NIPAL2: variants seen among roughly 807,000 people sequenced by gnomAD.
NIPAL2 encodes the protein NIPA-like protein 2.
Under a neutral mutation model 48.9 loss-of-function variants are expected in NIPAL2, and 43 were observed. That is an observed-to-expected ratio of 0.88 (90% CI 0.69 to 1.13). NIPAL2 has a LOEUF of 1.13. NIPAL2 is among the 50% of genes most tolerant of loss of function. NIPAL2 has a pLI of 0.00. For synonymous variants in NIPAL2, 167 were observed against 174.6 expected, an observed-to-expected ratio of 0.96 and a Z score of 0.34; for missense variants, 446 against 461.4, an observed-to-expected ratio of 0.97 and a Z score of 0.31.
At chr8:98,194,501 C>T (rs1554558702) in intron 10 of NIPAL2, among the ~76,000 whole-genome samples, 1 of 152,134 alleles carries the variant, frequency 6.6e-6, no homozygotes, top group Admixed American at 6.5e-5. Context: ...TCACCCAAAT[C>T]GAGGAAACAT....
intron 1 of NIPAL2, among the ~76,000 whole-genome samples, chr8:98,280,761 T>TATATATATATATATAGAGAGAGAGAGAG: frequency 1.5e-3 from 46 of 30,000 alleles, no homozygotes; most frequent in South Asian, 6.0e-3. Flanking sequence ...TATATATATA[T>TATATATATATATATAGAGAGAGAGAGAG]AGAGAGAGAG....
At chr8:98,272,724 C>G (rs1180693834) in intron 1 of NIPAL2, among the ~76,000 whole-genome samples, 1 of 151,738 alleles carries the variant, frequency 6.6e-6, no homozygotes, top group Non-Finnish European at 1.5e-5. Context: ...AAACAATTCT[C>G]CTGTCTCAGG....
chr8:98,259,106 T>C (rs1207154019), intron 1 of NIPAL2, among the ~76,000 whole-genome samples: 11 of 121,958 alleles, frequency 9.0e-5, no homozygotes, highest in Non-Finnish European at 1.8e-4. Context: ...AGACGGAGTT[T>C]CGCTCTGTCG....
chr8:98,276,376 T>C (rs1815461602), intron 1 of NIPAL2, among the ~76,000 whole-genome samples: 1 of 152,194 alleles, frequency 6.6e-6, no homozygotes, highest in Non-Finnish European at 1.5e-5. Context: ...TTTTTTTGCT[T>C]AGTAATATGC....
In NIPAL2 at chr8:98,222,538, C is replaced by A; in HGVS notation, c.499G>T (p.Ala167Ser). 1 of 1,614,004 alleles carries A rather than the reference C, an allele frequency of 6.2e-7. No individual in the cohort carries two copies. Among genetic ancestry groups the A allele is most frequent in the Non-Finnish European group, 8.5e-7 (1 of 1,179,888 alleles). The change falls in exon 5 of 11, where the codon GCA becomes TCA. Residue 167 changes from alanine (A) to serine (S), a missense_variant. By Grantham distance (99) the Ala-to-Ser change is moderately conservative (BLOSUM62 1). Transcript: ENST00000430223. ...TACTGTACTGTTCTTGCTGAGATTGCCTGAGTTATATTTGGAGCAAAGTTC... is the reference window on the plus strand; with the variant it reads ...TACTGTACTGTTCTTGCTGAGATTGACTGAGTTATATTTGGAGCAAAGTTC... ...LVNFAPNITQAISARTVQYYL... is the reference protein window; with the variant it reads ...LVNFAPNITQSISARTVQYYL...
intron 5 of NIPAL2, chr8:98,216,907 G>T: frequency 2.7e-6 from 1 of 367,014 alleles, no homozygotes; most frequent in Non-Finnish European, 3.8e-6. Context: ...GGGCCTCATG[G>T]TCAAATAAGC....
At position 98,294,048 on chromosome 8, in the gene NIPAL2, G is replaced by C. The variant is rs1181872693; in HGVS notation, c.90C>G (p.Gly30=). The part of the protein sequence containing the change: ...LSLNFTYGAP[G]AGNGSLSGDW... Reference sequence around the variant, plus strand: ...CGCCCGAGAGGGAGCCGTTGCCGGCGCCTGGTGCCCCGTACGTGAAATTCA... The same window carrying C: ...CGCCCGAGAGGGAGCCGTTGCCGGCCCCTGGTGCCCCGTACGTGAAATTCA... The change falls in exon 1 of 11, where the codon GGC becomes GGG. Residue 30 remains glycine, a synonymous_variant. Coordinates refer to ENST00000430223, the MANE Select transcript of NIPAL2 (RefSeq NM_001321635.2). 1 of 1,498,908 alleles carries C rather than the reference G, an allele frequency of 6.7e-7. No homozygotes were observed. The highest frequency in any genetic ancestry group is 8.9e-7 in the Non-Finnish European group (1 of 1,124,360). The allele number at this position is 1,498,908 out of a possible 1,614,324, so 92.9% of individuals were successfully genotyped here.
chr8:98,286,885 T>C (rs1357332613), intron 1 of NIPAL2, among the ~76,000 whole-genome samples: 4 of 146,668 alleles, frequency 2.7e-5, no homozygotes, highest in African/African-American at 1.0e-4. Context: ...GAAAGTGACA[T>C]GGTGAGGCAA....
intron 1 of NIPAL2, among the ~76,000 whole-genome samples, chr8:98,275,795 C>G (rs112866085): frequency 1.3e-5 from 2 of 152,288 alleles, no homozygotes; most frequent in African/African-American, 4.8e-5. Context: ...ATATTTCCAG[C>G]CTCCTGAGCA....
At chr8:98,280,761 T>TATATATATATATATATATATATATATAG in intron 1 of NIPAL2, among the ~76,000 whole-genome samples, 4 of 30,026 alleles carry the variant, frequency 1.3e-4, no homozygotes, top group Admixed American at 4.5e-4. Flanking sequence ...TATATATATA[T>TATATATATATATATATATATATATATAG]AGAGAGAGAG....
chr8:98,263,959 T>C (rs1206723701), intron 1 of NIPAL2, among the ~76,000 whole-genome samples: 6 of 137,952 alleles, frequency 4.3e-5, no homozygotes, highest in African/African-American at 1.7e-4. Flanking sequence ...ATCCCTGGGA[T>C]GCAAGGCTGG....
intron 4 of NIPAL2, among the ~76,000 whole-genome samples, chr8:98,223,334 A>ATG (rs1451199175): frequency 6.6e-6 from 1 of 152,170 alleles, no homozygotes; most frequent in East Asian, 1.9e-4. Context: ...ACAGAAGGGA[A>ATG]TGTGTGTAGG....
chr8:98,198,406 G>A (rs1810653486), intron 8 of NIPAL2, among the ~76,000 whole-genome samples: 1 of 152,302 alleles, frequency 6.6e-6, no homozygotes, highest in South Asian at 2.1e-4. Context: ...ATAAGCATTG[G>A]CTTCAAATTA....
intron 6 of NIPAL2, among the ~76,000 whole-genome samples, chr8:98,205,921 G>A (rs1811011982): frequency 6.6e-6 from 1 of 152,186 alleles, no homozygotes; most frequent in Admixed American, 6.5e-5. Flanking sequence ...GTTTACATAA[G>A]CAATAGCTAT....
At chr8:98,230,398 C>T (rs1210405587) in intron 4 of NIPAL2, among the ~76,000 whole-genome samples, 3 of 152,040 alleles carry the variant, frequency 2.0e-5, no homozygotes, top group Admixed American at 6.5e-5. Context: ...GTAGATGCTC[C>T]ACCAAAAAAG....
chr8:98,198,055 C>T (rs1239193802), intron 8 of NIPAL2, among the ~76,000 whole-genome samples: 1 of 152,190 alleles, frequency 6.6e-6, no homozygotes, highest in Non-Finnish European at 1.5e-5. Flanking sequence ...TACAGCCTTA[C>T]AAAATGTATT....
Position 98,203,205 on chromosome 8 carries a change from G to A in NIPAL2, c.792-9C>T. 1 of 1,608,144 alleles carries A rather than the reference G, an allele frequency of 6.2e-7. No individual in the cohort carries two copies. The highest frequency in any genetic ancestry group is 8.5e-7 in the Non-Finnish European group (1 of 1,174,628). ...TGGCTTGATTCAGGAACCTAGGGCAGAAGGCACTTACTGGAGCTTTGGCTT... is the reference window on the plus strand; with the variant it reads ...TGGCTTGATTCAGGAACCTAGGGCAAAAGGCACTTACTGGAGCTTTGGCTT... On this transcript the variant is annotated splice_polypyrimidine_tract_variant and intron_variant, in intron 7 of 10. Transcript: ENST00000430223.
intron 10 of NIPAL2, 165 bp from the exon 11 acceptor site, chr8:98,193,255 G>A (rs1001023370): frequency 8.4e-5 from 96 of 1,137,250 alleles, no homozygotes; most frequent in Non-Finnish European, 1.2e-4. Context: ...CCCTTGAAAC[G>A]CCATGTCTGT....
At chr8:98,274,902 C>T (rs73285605) in intron 1 of NIPAL2, among the ~76,000 whole-genome samples, 1,990 of 152,126 alleles carry the variant, frequency 0.013, 41 homozygotes, top group African/African-American at 0.045. Flanking sequence ...TTATCCCTCC[C>T]TCTGCTCTCA....
Sources: allele counts gnomAD v4.1 joint callset (sites outside exome capture counted in the v4.1 genomes callset), GRCh38; gene constraint gnomAD v4.1.1; transcripts MANE v1.5; gene names NCBI Gene and HGNC (gene_info 2026-07-23, HGNC 2026-07-21).